PDE4D: variants seen among roughly 807,000 people sequenced by gnomAD.
The protein encoded by PDE4D is phosphodiesterase 4D, also known as 3',5'-cyclic-AMP phosphodiesterase 4D.
In PDE4D, 24 loss-of-function variants were observed where a neutral mutation model predicts 87.4. The observed-to-expected ratio is 0.27, with a 90% CI of 0.20 to 0.39. The LOEUF (loss-of-function observed/expected upper bound fraction) is 0.39. PDE4D is among the 10% of genes least tolerant of loss of function. PDE4D has a pLI of 1.00. For synonymous variants in PDE4D, 384 were observed against 383.2 expected (o/e 1.00, Z -0.02); for missense variants, 714 against 1,041.0 (o/e 0.69, Z 4.32).
intron 5 of PDE4D, among the ~76,000 whole-genome samples, chr5:59,105,914 A>G (rs1191287805): frequency 6.6e-6 from 1 of 152,212 alleles, no homozygotes; most frequent in Non-Finnish European, 1.5e-5. Flanking sequence ...TAACACTAGT[A>G]ATACCTAGAA....
At chr5:60,361,891 C>T (rs568191751) in intron 1 of PDE4D, among the ~76,000 whole-genome samples, 137 of 152,282 alleles carry the variant, frequency 9.0e-4, no homozygotes, top group African/African-American at 3.2e-3. Context: ...GCAAATAAAA[C>T]GCCAAGATCC....
At chr5:59,091,605 T>C (rs1768746275) in intron 5 of PDE4D, among the ~76,000 whole-genome samples, 1 of 152,066 alleles carries the variant, frequency 6.6e-6, no homozygotes, top group Admixed American at 6.6e-5. Flanking sequence ...TGTTTTGGCA[T>C]GCATACATAC....
intron 1 of PDE4D, among the ~76,000 whole-genome samples, chr5:59,720,022 A>G (rs1755599898): frequency 6.6e-6 from 1 of 152,134 alleles, no homozygotes. Context: ...TATTCTCACT[A>G]TCTTCTGTAA....
chr5:59,125,201 A>T, intron 5 of PDE4D: 1 of 720,646 alleles, frequency 1.4e-6, no homozygotes, highest in Non-Finnish European at 1.7e-6. Context: ...AGCTAGAGTT[A>T]GACTGGTGTC....
intron 1 of PDE4D, among the ~76,000 whole-genome samples, chr5:59,509,390 G>T (rs923302096): frequency 7.1e-6 from 1 of 140,570 alleles, no homozygotes; most frequent in African/African-American, 2.6e-5. Flanking sequence ...ACTTCTAAAA[G>T]ACATTTTTAA....
intron 2 of PDE4D, among the ~76,000 whole-genome samples, chr5:60,062,253 C>T (rs1771491381): frequency 6.6e-6 from 1 of 151,928 alleles, no homozygotes. Context: ...TGGGCAAAAA[C>T]ATGAACAGAC....
At chr5:59,566,112 A>G (rs527622484) in intron 1 of PDE4D, among the ~76,000 whole-genome samples, 2 of 152,358 alleles carry the variant, frequency 1.3e-5, no homozygotes, top group African/African-American at 4.8e-5. Context: ...TGAAAGTGTT[A>G]GAAGACTGAA....
chr5:60,259,535 C>T (rs1248567700), intron 1 of PDE4D, among the ~76,000 whole-genome samples: 1 of 151,990 alleles, frequency 6.6e-6, no homozygotes, highest in Non-Finnish European at 1.5e-5. Flanking sequence ...TAATTTTATT[C>T]TTATGTTATC....
At chr5:60,173,047 A>G (rs11747254) in intron 2 of PDE4D, among the ~76,000 whole-genome samples, 8,406 of 152,208 alleles carry the variant, frequency 0.055, 254 homozygotes, top group Middle Eastern at 0.082. Flanking sequence ...TTGTTATCCA[A>G]CTGTGAGGAT....
intron 6 of PDE4D, among the ~76,000 whole-genome samples, chr5:59,019,196 C>T (rs1043311231): frequency 2.0e-5 from 3 of 152,018 alleles, no homozygotes; most frequent in African/African-American, 7.2e-5. Context: ...TGTCACCCTT[C>T]TCTGTGCAAT....
At chr5:60,337,924 A>AT (rs1302527428) in intron 1 of PDE4D, among the ~76,000 whole-genome samples, 1 of 152,094 alleles carries the variant, frequency 6.6e-6, no homozygotes, top group Non-Finnish European at 1.5e-5. Context: ...ACAAATAATA[A>AT]TAAAAAAAAA....
At chr5:60,274,032 A>G (rs1005746842) in intron 1 of PDE4D, among the ~76,000 whole-genome samples, 1 of 152,112 alleles carries the variant, frequency 6.6e-6, no homozygotes, top group Non-Finnish European at 1.5e-5. Context: ...TGGTGAAAGG[A>G]TCCATGTTAC....
At chr5:59,688,162 A>C (rs1379834378) in intron 1 of PDE4D, among the ~76,000 whole-genome samples, 1 of 152,218 alleles carries the variant, frequency 6.6e-6, no homozygotes, top group African/African-American at 2.4e-5. Context: ...TAGATCAACG[A>C]GACAGAAAGT....
At chr5:60,130,125 G>A (rs1310472807) in intron 2 of PDE4D, among the ~76,000 whole-genome samples, 4 of 152,132 alleles carry the variant, frequency 2.6e-5, no homozygotes, top group Admixed American at 6.6e-5. Context: ...AAATTTGCTG[G>A]TGCTTTGACC....
intron 1 of PDE4D, among the ~76,000 whole-genome samples, chr5:60,356,253 T>A (rs1254657188): frequency 6.6e-6 from 1 of 152,186 alleles, no homozygotes; most frequent in East Asian, 1.9e-4. Flanking sequence ...ACAGAGTGAT[T>A]ATTATGTTCT....
intron 3 of PDE4D, among the ~76,000 whole-genome samples, chr5:59,946,978 C>T (rs147707593): frequency 5.6e-4 from 85 of 152,180 alleles, no homozygotes; most frequent in African/African-American, 1.9e-3. Context: ...CTCTTACATC[C>T]CTGTTTTTAT....
chr5:59,175,195 T>C (rs970538959), intron 5 of PDE4D, among the ~76,000 whole-genome samples: 1 of 152,220 alleles, frequency 6.6e-6, no homozygotes, highest in African/African-American at 2.4e-5. Flanking sequence ...CACTCTTTAC[T>C]TCTGGTGTGC....
intron 1 of PDE4D, among the ~76,000 whole-genome samples, chr5:59,559,849 T>C (rs1327830030): frequency 6.6e-6 from 1 of 152,198 alleles, no homozygotes; most frequent in Admixed American, 6.5e-5. Flanking sequence ...AAGGGCTAAG[T>C]ACGTTCACAA....
intron 2 of PDE4D, among the ~76,000 whole-genome samples, chr5:60,064,340 A>T (rs1771813118): frequency 6.6e-6 from 1 of 152,124 alleles, no homozygotes; most frequent in South Asian, 2.1e-4. Context: ...AGAACAAAGA[A>T]TAGGTTAAAT....
Sources: allele counts gnomAD v4.1 joint callset (sites outside exome capture counted in the v4.1 genomes callset), GRCh38; gene constraint gnomAD v4.1.1; transcripts MANE v1.5; gene names NCBI Gene and HGNC (gene_info 2026-07-23, HGNC 2026-07-21).